EXD3: variants seen among roughly 807,000 people sequenced by gnomAD.
EXD3 encodes the protein exonuclease 3'-5' domain containing 3, also known as exonuclease mut-7 homolog.
Under a neutral mutation model 98.0 loss-of-function variants are expected in EXD3, and 92 were observed. The observed-to-expected ratio is 0.94, with a 90% confidence interval of 0.79 to 1.12. The LOEUF is 1.12. Ranked by LOEUF, EXD3 falls within the 50% of genes most tolerant of loss-of-function variation. The pLI, the probability that EXD3 is intolerant of heterozygous loss-of-function variation, is 0.00. For synonymous variants in EXD3, 569 were observed against 526.0 expected, an observed-to-expected ratio of 1.08 and a Z score of -1.12; for missense variants, 1,222 against 1,191.6, an observed-to-expected ratio of 1.03 and a Z score of -0.38.
chr9:137,374,468 G>A (rs1835797340), intron 3 of EXD3: 1 of 741,266 alleles, frequency 1.3e-6, no homozygotes, highest in Non-Finnish European at 1.6e-6. Context: ...CTCTCCACGG[G>A]GCTCCAGGAG....
At chr9:137,410,776 C>T (rs111474453) in intron 1 of EXD3, among the ~76,000 whole-genome samples, 1,954 of 152,242 alleles carry the variant, frequency 0.013, 44 homozygotes, top group African/African-American at 0.044. Flanking sequence ...ACTGTGGAGG[C>T]GACGCTGCTG....
chr9:137,374,443 G>T (rs768000603), intron 3 of EXD3: 153 of 506,902 alleles, frequency 3.0e-4, no homozygotes, highest in Admixed American at 3.8e-4. Context: ...TCGTCCCTGC[G>T]ATGTGGATGG....
intron 10 of EXD3, chr9:137,353,629 A>T (rs961613568): frequency 1.0e-6 from 1 of 986,002 alleles, no homozygotes; most frequent in African/African-American, 1.7e-5. Flanking sequence ...CCAGCCCAGG[A>T]GCAGAGGCAC....
chr9:137,338,341 A>G (rs1338668391), intron 17 of EXD3, among the ~76,000 whole-genome samples: 2 of 152,226 alleles, frequency 1.3e-5, no homozygotes, highest in Non-Finnish European at 2.9e-5. Context: ...AGAACTAAAA[A>G]CAATGAAAAC....
At chr9:137,400,921 A>C (rs1018283983) in intron 1 of EXD3, among the ~76,000 whole-genome samples, 1 of 152,166 alleles carries the variant, frequency 6.6e-6, no homozygotes, top group Non-Finnish European at 1.5e-5. Context: ...CTGATGCAAG[A>C]GGTGGGTTCC....
intron 1 of EXD3, among the ~76,000 whole-genome samples, chr9:137,413,446 C>T (rs1234171717): frequency 4.6e-5 from 7 of 151,462 alleles, no homozygotes; most frequent in South Asian, 2.1e-4. Flanking sequence ...GTGATCTGCC[C>T]GCATCAGCCT....
chr9:137,368,433 C>T (rs1835384145), intron 5 of EXD3, among the ~76,000 whole-genome samples: 1 of 152,224 alleles, frequency 6.6e-6, no homozygotes, highest in African/African-American at 2.4e-5. Context: ...GACCCCCAGC[C>T]TCAGCGCATC....
At chr9:137,310,186 G>A (rs766850524) in intron 19 of EXD3, among the ~76,000 whole-genome samples, 2 of 152,232 alleles carry the variant, frequency 1.3e-5, no homozygotes, top group Non-Finnish European at 2.9e-5. Context: ...AGTGGCGAGG[G>A]GGCTGGAGCA....
intron 17 of EXD3, among the ~76,000 whole-genome samples, chr9:137,332,751 A>G (rs996865113): frequency 6.6e-6 from 1 of 152,210 alleles, no homozygotes; most frequent in East Asian, 1.9e-4. Context: ...AGGCTGAGGC[A>G]GGGGAATCCC....
chr9:137,414,042 G>A (rs1236463633), intron 1 of EXD3, among the ~76,000 whole-genome samples: 2 of 150,334 alleles, frequency 1.3e-5, no homozygotes, highest in African/African-American at 4.9e-5. Flanking sequence ...TCAGCCTCCC[G>A]AGTAGCTGGG....
rs1256492896 is a variant in EXD3 at position 137,366,649 on chromosome 9, G to A, written c.517-17C>T. ...GATGCTCATCTGCAGGGGGACACAC[G>A]GTCAGGCCACAGCCTCCGCCACCTC... is the stretch of plus-strand genomic sequence containing the variant. On this transcript the variant is annotated splice_polypyrimidine_tract_variant and intron_variant, in intron 6 of 21. Coordinates refer to ENST00000340951, the MANE Select transcript of EXD3 (RefSeq NM_017820.5). 10 of 1,552,998 alleles carry A rather than the reference G, an allele frequency of 6.4e-6. No homozygotes were observed. The highest frequency in any genetic ancestry group is 5.9e-5 in the South Asian group (5 of 84,188).
At position 137,323,946 on chromosome 9, in the gene EXD3, C is replaced by T. The variant is rs1274355403; in HGVS notation, c.2053-90G>A. On this transcript the variant is annotated intron_variant, in intron 18 of 21. Coordinates refer to ENST00000340951, the MANE Select transcript of EXD3 (RefSeq NM_017820.5). ...CGCCTCCGCCAGCATGGGGCAGGAGCCTTCTCTCGGCCCACCAGGGGTACG... is the reference window on the plus strand; with the variant it reads ...CGCCTCCGCCAGCATGGGGCAGGAGTCTTCTCTCGGCCCACCAGGGGTACG... The T allele has an allele frequency of 4.6e-6, 7 of 1,530,012 alleles. No individual in the cohort carries two copies. In the East Asian group the frequency reaches 1.2e-4, roughly 27 times the overall value. 94.8% of individuals were successfully genotyped at this position (1,530,012 alleles called of 1,614,324 possible). A position where few individuals can be genotyped will look rare whatever the true frequency, so the allele number is the denominator to read the frequency against.
At chr9:137,399,427 C>T (rs909058475) in intron 1 of EXD3, among the ~76,000 whole-genome samples, 3 of 152,208 alleles carry the variant, frequency 2.0e-5, no homozygotes, top group South Asian at 2.1e-4. Flanking sequence ...TTTGTCTTCT[C>T]ATCTTTCCTT....
At chr9:137,417,246 C>T (rs549514117) in intron 1 of EXD3, among the ~76,000 whole-genome samples, 1 of 152,300 alleles carries the variant, frequency 6.6e-6, no homozygotes, top group South Asian at 2.1e-4. Context: ...ACGCGGGCGC[C>T]GCAGGGACGG....
At position 137,339,916 on chromosome 9, in the gene EXD3, T is replaced by C. The variant is rs541965619; in HGVS notation, c.1998+8155A>G. On this transcript the variant is annotated intron_variant, in intron 17 of 21. Coordinates refer to ENST00000340951, the MANE Select transcript of EXD3 (RefSeq NM_017820.5). ...TGAAATAAGATAAAGAAGGAAAAGATATAAGGATTGGAAAGGAAGAAATAA... is the reference window on the plus strand; with the variant it reads ...TGAAATAAGATAAAGAAGGAAAAGACATAAGGATTGGAAAGGAAGAAATAA... 5.4e-4 allele frequency among the ~76,000 whole-genome samples: 82 copies of C among 152,298 alleles called. No homozygotes were observed. In the Middle Eastern group the frequency reaches 0.014, roughly 25 times the overall value.
rs1011751912 is a variant in EXD3, at chr9:137,393,132, G to A, written c.55+2171C>T. The A allele has an allele frequency of 2.9e-6, 2 of 701,266 alleles. No individual in the cohort carries two copies. Among genetic ancestry groups the A allele is most frequent in the Non-Finnish European group, 2.6e-6 (1 of 384,838 alleles). The allele number at this position is 701,266 out of a possible 1,614,324, so 43.4% of individuals were successfully genotyped here. A position where few individuals can be genotyped will look rare whatever the true frequency, so the allele number is the denominator to read the frequency against. On this transcript the variant is annotated intron_variant, in intron 2 of 21. Coordinates refer to ENST00000340951, the MANE Select transcript of EXD3 (RefSeq NM_017820.5). The surrounding 1 kb of genome is among the most constrained non-coding windows in gnomAD (Gnocchi z 4.6). ...CCAGGGAGGGCCATTAGTGTTCCAG[G>A]GGGCGCCGAGGCTGTTCCAGGGGCC...
At chr9:137,386,184 C>T (rs903879006) in intron 2 of EXD3, among the ~76,000 whole-genome samples, 3 of 151,902 alleles carry the variant, frequency 2.0e-5, no homozygotes, top group Non-Finnish European at 2.9e-5. Context: ...GTCCCAGCCA[C>T]TTGGGAGGCT....
Position 137,367,372 on chromosome 9 carries a change from T to C in EXD3, c.516+564A>G, listed in dbSNP as rs867131265. ...CCCTCTTTAGGGAGACCAGGATGCGTCCCGTCCCCACCTGGCTCTGCCCGA... is the reference window on the plus strand; with the variant it reads ...CCCTCTTTAGGGAGACCAGGATGCGCCCCGTCCCCACCTGGCTCTGCCCGA... On this transcript the variant is annotated intron_variant, in intron 6 of 21. Coordinates refer to ENST00000340951, the MANE Select transcript of EXD3 (RefSeq NM_017820.5). 2.4e-4 allele frequency among the ~76,000 whole-genome samples: 37 copies of C among 152,174 alleles called. No individual in the cohort carries two copies. In the Middle Eastern group the frequency reaches 0.014, roughly 56 times the overall value.
At chr9:137,375,134 G>A (rs369972702) in intron 3 of EXD3, among the ~76,000 whole-genome samples, 4 of 152,040 alleles carry the variant, frequency 2.6e-5, no homozygotes, top group African/African-American at 9.7e-5. Flanking sequence ...TCAGCCTCCC[G>A]TGTAGCTGGG....
Sources: gnomAD v4.1 joint callset for allele counts (sites outside exome capture counted in the v4.1 genomes callset) on GRCh38, gnomAD v4.1.1 for gene constraint, Gnocchi (gnomAD v3.1) non-coding constraint, MANE v1.5 for transcripts, NCBI Gene and HGNC (gene_info 2026-07-23, HGNC 2026-07-21) for gene names.